The following TUT4 variants were observed in gnomAD, a reference collection of about 807,000 sequenced individuals.
TUT4 encodes terminal uridylyl transferase 4.
TUT4 carries 36 observed loss-of-function variants against 192.2 expected under a neutral mutation model. The observed-to-expected ratio is 0.19, with a 90% CI of 0.14 to 0.25. The LOEUF (loss-of-function observed/expected upper bound fraction) is 0.25, where lower values mean the gene tolerates loss of function less well. Among genes scored for constraint, TUT4 ranks in the 10% least tolerant of loss-of-function variants. TUT4 has a pLI of 1.00. For synonymous variants in TUT4, 618 were observed against 666.0 expected, an observed-to-expected ratio of 0.93 and a Z score of 1.11; for missense variants, 1,493 against 1,957.2, an observed-to-expected ratio of 0.76 and a Z score of 4.47.
intron 12 of TUT4, among the ~76,000 whole-genome samples, chr1:52,476,777 G>C (rs374754814): frequency 2.6e-5 from 4 of 152,182 alleles, no homozygotes; most frequent in Non-Finnish European, 5.9e-5. Flanking sequence ...AATATTTCTG[G>C]GTTGAACTCA....
At position 52,431,086 on chromosome 1, in the gene TUT4, C is replaced by G; in HGVS notation, c.4638G>C (p.Thr1546=). 6.2e-7 allele frequency: 1 copy of G among 1,614,020 alleles called. No individual in the cohort carries two copies. Among genetic ancestry groups the G allele is most frequent in the Non-Finnish European group, 8.5e-7 (1 of 1,179,902 alleles). The change falls in exon 28 of 30, where the codon ACG becomes ACC. Residue 1546 remains threonine (T), a synonymous_variant. Transcript: ENST00000257177. ...PAARPVAIPN[T]SHDGHWPRTV... is the part of the protein sequence containing the mutation. The stretch of plus-strand genomic sequence containing the variant: ...TACGGGGCCAGTGTCCATCGTGAGA[C>G]GTGTTAGGGATTGCCACAGGTCTGG...
rs1665038996 is a variant in TUT4, at chr1:52,469,316, G to A, written c.2879-1049C>T. Among the ~76,000 whole-genome samples, 5 of 143,948 alleles carry A rather than the reference G, an allele frequency of 3.5e-5. No homozygotes were observed. In the South Asian group the frequency reaches 1.2e-3, roughly 34 times the overall value. 94.4% of individuals were successfully genotyped at this position (143,948 alleles called of 152,430 possible). A position where few individuals can be genotyped will look rare whatever the true frequency, so the allele number is the denominator to read the frequency against. ...AGTGGGGGGAAAGGTGCTGACCTAA[G>A]TAAATTTGAAAATGAGTGGAATCGA... On this transcript the variant is annotated intron_variant, in intron 14 of 29. Transcript: ENST00000257177.
chr1:52,426,440 T>C (rs1649969867), intron 28 of TUT4, among the ~76,000 whole-genome samples: 2 of 152,218 alleles, frequency 1.3e-5, no homozygotes, highest in South Asian at 4.1e-4. Context: ...TGGATCATTC[T>C]GGTGGCTTTT....
intron 15 of TUT4, among the ~76,000 whole-genome samples, chr1:52,467,662 T>C (rs781404845): frequency 1.3e-5 from 2 of 152,190 alleles, no homozygotes; most frequent in Admixed American, 6.5e-5. Flanking sequence ...TCAAAGGCTT[T>C]CTACCAACAT....
intron 16 of TUT4, chr1:52,463,514 C>A (rs929351707): frequency 9.1e-7 from 1 of 1,102,886 alleles, no homozygotes; most frequent in South Asian, 2.3e-5. Context: ...GAAAAGCACA[C>A]TATTCTGCTG....
chr1:52,550,149 G>T (rs1404849230), intron 1 of TUT4, among the ~76,000 whole-genome samples: 1 of 152,108 alleles, frequency 6.6e-6, no homozygotes, highest in Non-Finnish European at 1.5e-5. Flanking sequence ...CTGCAGAAAT[G>T]ATGGTTTTTA....
chr1:52,433,014 G>C (rs1164427361), intron 27 of TUT4: 1 of 152,260 alleles, frequency 6.6e-6, no homozygotes, highest in Non-Finnish European at 1.5e-5. Flanking sequence ...ATTAGGAGAT[G>C]ATAGTAGCCT....
intron 1 of TUT4, among the ~76,000 whole-genome samples, chr1:52,544,948 C>A (rs1039967454): frequency 1.3e-5 from 2 of 151,682 alleles, no homozygotes; most frequent in Admixed American, 6.6e-5. Flanking sequence ...CCCAGCTACT[C>A]CAAAGGCTGA....
At position 52,446,562 on chromosome 1, in the gene TUT4, T is replaced by C. The variant is rs746519370; in HGVS notation, c.3513+28A>G. The C allele has an allele frequency of 1.9e-6, 3 of 1,577,808 alleles. No individual in the cohort carries two copies. The Admixed American group carries it at 5.7e-5, about 30-fold the overall frequency. The stretch of plus-strand genomic sequence containing the variant: ...TGCTAACATATATCAGTGAGCATTC[T>C]AGAACATAAAGACTATTTTAAAATT... On this transcript the variant is annotated intron_variant, in intron 21 of 29. Coordinates refer to ENST00000257177, the MANE Select transcript of TUT4 (RefSeq NM_001009881.3).
At chr1:52,520,116 A>G (rs1301954445) in intron 2 of TUT4, among the ~76,000 whole-genome samples, 1 of 152,198 alleles carries the variant, frequency 6.6e-6, no homozygotes, top group Middle Eastern at 3.2e-3. Context: ...AAAGTTCCTC[A>G]TATGGATATC....
intron 9 of TUT4, among the ~76,000 whole-genome samples, chr1:52,482,364 G>A (rs1034973715): frequency 1.3e-5 from 2 of 151,988 alleles, no homozygotes; most frequent in African/African-American, 4.8e-5. Context: ...GTATATTATA[G>A]ACATCTCTCT....
chr1:52,448,648 G>C (rs1198006481), intron 20 of TUT4, among the ~76,000 whole-genome samples: 1 of 122,158 alleles, frequency 8.2e-6, no homozygotes, highest in Non-Finnish European at 1.7e-5. Context: ...TGAAACAAAA[G>C]ACATAGGATT....
At chr1:52,494,614 C>T (rs1025742264) in intron 6 of TUT4, among the ~76,000 whole-genome samples, 1 of 152,146 alleles carries the variant, frequency 6.6e-6, no homozygotes, top group South Asian at 2.1e-4. Flanking sequence ...ATCGCTTGAA[C>T]CCAGGAGGTG....
At chr1:52,547,195 TGAG>T (rs1289011045) in intron 1 of TUT4, among the ~76,000 whole-genome samples, 6 of 149,596 alleles carry the variant, frequency 4.0e-5, no homozygotes, top group East Asian at 3.9e-4. Context: ...CAGAATATAT[TGAG>T]TTCTTAAAAC....
Position 52,484,661 on chromosome 1 carries a change from G to GCACTA in TUT4, c.1516-2743_1516-2739dup, listed in dbSNP as rs140933814. 8.7e-3 allele frequency among the ~76,000 whole-genome samples: 1,317 copies of GCACTA among 152,170 alleles called. 21 individuals carry two copies. The highest frequency in any genetic ancestry group is 0.03 in the African/African-American group (1,249 of 41,502). ...CTTCCAGTAAGATACAGTTGTGAAAGCACTATTTAATAAAATCTGTACACT... is the reference window on the plus strand; with the variant it reads ...CTTCCAGTAAGATACAGTTGTGAAAGCACTACACTATTTAATAAAATCTGTACACT... On this transcript the variant is annotated intron_variant, in intron 9 of 29. Coordinates refer to ENST00000257177, the MANE Select transcript of TUT4 (RefSeq NM_001009881.3).
At chr1:52,443,612 A>C (rs901799217) in intron 24 of TUT4, among the ~76,000 whole-genome samples, 8 of 151,870 alleles carry the variant, frequency 5.3e-5, no homozygotes, top group African/African-American at 1.9e-4. Flanking sequence ...GTGTCACTAC[A>C]TGGGGCTGAG....
chr1:52,544,115 G>A (rs566957933), intron 1 of TUT4, among the ~76,000 whole-genome samples: 11 of 151,844 alleles, frequency 7.2e-5, no homozygotes, highest in South Asian at 2.1e-4. Flanking sequence ...GTGAAACCCC[G>A]TCTCTACTAA....
intron 4 of TUT4, among the ~76,000 whole-genome samples, chr1:52,499,528 G>C (rs971897203): frequency 2.0e-5 from 3 of 152,032 alleles, no homozygotes; most frequent in Non-Finnish European, 4.4e-5. Flanking sequence ...TTGAGCCCAA[G>C]AGTTTGAGAC....
At chr1:52,539,811 G>T (rs1295499242) in intron 1 of TUT4, among the ~76,000 whole-genome samples, 2 of 151,664 alleles carry the variant, frequency 1.3e-5, no homozygotes, top group Admixed American at 1.3e-4. Context: ...GGAGGCTGAG[G>T]AAGAAGAATC....
Sources: allele counts gnomAD v4.1 joint callset (sites outside exome capture counted in the v4.1 genomes callset), GRCh38; gene constraint gnomAD v4.1.1; transcripts MANE v1.5; gene names NCBI Gene and HGNC (gene_info 2026-07-23, HGNC 2026-07-21).